The following SULF2 variants were observed in gnomAD, a reference collection of about 807,000 sequenced individuals.
SULF2 encodes sulfatase 2, also known as extracellular sulfatase Sulf-2.
In SULF2, 52 loss-of-function variants were observed where a neutral mutation model predicts 107.7. The observed-to-expected ratio is 0.48, with a 90% confidence interval of 0.39 to 0.61. The LOEUF (loss-of-function observed/expected upper bound fraction) is 0.61, where lower values mean the gene tolerates loss of function less well. Ranked by LOEUF, SULF2 falls within the 20% of genes least tolerant of loss-of-function variation. The pLI is 0.00. For missense variants in SULF2, 993 were observed against 1,177.3 expected, an observed-to-expected ratio of 0.84 and a Z score of 2.29; for synonymous variants, 460 against 464.3, an observed-to-expected ratio of 0.99 and a Z score of 0.12.
intron 4 of SULF2, among the ~76,000 whole-genome samples, chr20:47,693,626 G>A (rs2088277460): frequency 6.6e-6 from 1 of 152,210 alleles, no homozygotes; most frequent in Non-Finnish European, 1.5e-5. Context: ...GGATGTGTAT[G>A]ATATGATATC....
At chr20:47,731,187 C>CTTTTTTTTTTT (rs71183273) in intron 3 of SULF2, among the ~76,000 whole-genome samples, 13 of 81,182 alleles carry the variant, frequency 1.6e-4, no homozygotes, top group Admixed American at 3.0e-4. Context: ...TGTATCTTCT[C>CTTTTTTTTTTT]TTTTTTTTTT....
intron 10 of SULF2, among the ~76,000 whole-genome samples, chr20:47,675,369 G>A (rs2087608165): frequency 6.6e-6 from 1 of 152,150 alleles, no homozygotes; most frequent in Admixed American, 6.5e-5. Flanking sequence ...ACGCATTCAT[G>A]CTGTACAACG....
intron 17 of SULF2, 115 bp downstream of exon 17, chr20:47,662,955 A>G: frequency 1.6e-6 from 2 of 1,285,758 alleles, no homozygotes; most frequent in Non-Finnish European, 1.1e-6. Flanking sequence ...CCACCGGCTC[A>G]GGGACTCAGT....
At chr20:47,772,541 C>T (rs1026283133) in intron 1 of SULF2, among the ~76,000 whole-genome samples, 3 of 152,164 alleles carry the variant, frequency 2.0e-5, no homozygotes, top group African/African-American at 4.8e-5. Context: ...GAGGAGTTCA[C>T]GCGATTCCCT....
At chr20:47,685,087 T>TAGG in intron 5 of SULF2, 1 of 152,780 alleles carries the variant, frequency 6.5e-6, no homozygotes, top group Non-Finnish European at 1.5e-5. Flanking sequence ...GTGGTTAAGG[T>TAGG]AGGACCACGG....
In SULF2 at chr20:47,664,181, G is replaced by T; in HGVS notation, c.2006C>A (p.Thr669Asn). Residue 669 changes from threonine to asparagine, a missense_variant, in exon 15 of 21, where the codon ACC (threonine) becomes AAC (asparagine). Transcript: ENST00000688720. ...GTGCTTGAGGCGGCCTTTGTGCTGG[G>T]TGTGGTAGCTGTAACAGACCCCCCC... ...ECDCHKISYH[T>N]QHKGRLKHRG... The T allele has an allele frequency of 6.2e-7, 1 of 1,612,530 alleles. No homozygotes were observed. The highest frequency in any genetic ancestry group is 8.5e-7 in the Non-Finnish European group (1 of 1,179,522).
At chr20:47,743,413 G>T (rs1336426352) in intron 2 of SULF2, among the ~76,000 whole-genome samples, 1 of 152,084 alleles carries the variant, frequency 6.6e-6, no homozygotes, top group Non-Finnish European at 1.5e-5. Flanking sequence ...AGGTTCAGGT[G>T]ATCCTCCCAC....
chr20:47,748,345 C>T (rs749412148), intron 2 of SULF2, among the ~76,000 whole-genome samples: 12 of 152,192 alleles, frequency 7.9e-5, no homozygotes, highest in Non-Finnish European at 1.5e-4. Flanking sequence ...CACAGGTCTC[C>T]CCAGTGTTAG....
At chr20:47,719,312 C>G (rs541597076) in intron 3 of SULF2, among the ~76,000 whole-genome samples, 1 of 152,266 alleles carries the variant, frequency 6.6e-6, no homozygotes, top group South Asian at 2.1e-4. Context: ...TCTGTATTTT[C>G]TATGAACTGG....
chr20:47,717,858 G>A (rs1251072811), intron 3 of SULF2, among the ~76,000 whole-genome samples: 1 of 146,848 alleles, frequency 6.8e-6, no homozygotes, highest in Non-Finnish European at 1.5e-5. Context: ...CTGTCACCCA[G>A]GCTGGAGTTC....
chr20:47,679,984 C>A (rs1248621906), intron 7 of SULF2, among the ~76,000 whole-genome samples: 3 of 152,158 alleles, frequency 2.0e-5, no homozygotes, highest in Admixed American at 2.0e-4. Flanking sequence ...AGACTCTAAG[C>A]TGCAGGAAGG....
intron 4 of SULF2, among the ~76,000 whole-genome samples, chr20:47,698,741 C>A (rs2088467871): frequency 6.6e-6 from 1 of 152,060 alleles, no homozygotes; most frequent in East Asian, 1.9e-4. Context: ...AAAAAAATTA[C>A]CCTATAGTGG....
chr20:47,783,255 T>C (rs1447655538), intron 1 of SULF2, among the ~76,000 whole-genome samples: 1 of 152,226 alleles, frequency 6.6e-6, no homozygotes, highest in Non-Finnish European at 1.5e-5. Flanking sequence ...GATATTTTTC[T>C]GTAGGACAGG....
Position 47,735,003 on chromosome 20 carries a change from A to C in SULF2, c.415+1700T>G, listed in dbSNP as rs150135887. ...ACACTAGCCTTTAGCTCCCACCCTG[A>C]GCCCTCAAAATGGCACAGAATATAT... On this transcript the variant is annotated intron_variant, in intron 3 of 20. Coordinates refer to ENST00000688720, the MANE Select transcript of SULF2 (RefSeq NM_001387048.1). Among the ~76,000 whole-genome samples, 12 of 152,320 alleles carry C rather than the reference A, an allele frequency of 7.9e-5. No individual in the cohort carries two copies. In the East Asian group the frequency reaches 2.3e-3, roughly 29 times the overall value.
chr20:47,741,938 C>T (rs1158080691), intron 2 of SULF2, among the ~76,000 whole-genome samples: 3 of 152,228 alleles, frequency 2.0e-5, no homozygotes, highest in African/African-American at 7.2e-5. Flanking sequence ...GATCCAGGGT[C>T]TCGAAATGCT....
At position 47,683,021 on chromosome 20, in the gene SULF2, C is replaced by T. The variant is rs530838914; in HGVS notation, c.1037G>A (p.Arg346Lys). ...EFDIRVPFYV[R>K]GPNVEAGCLN... Reference sequence around the variant, plus strand: ...ACAGCCGGCTTCCACGTTGGGGCCCCTCACGTAGAACGGGACCCTGATGTC... The same window carrying T: ...ACAGCCGGCTTCCACGTTGGGGCCCTTCACGTAGAACGGGACCCTGATGTC... The change falls in exon 7 of 21, where the codon AGG becomes AAG. Residue 346 changes from arginine to lysine, a missense_variant. Transcript: ENST00000688720. 6.2e-7 allele frequency: 1 copy of T among 1,611,950 alleles called. No individual in the cohort carries two copies. Among genetic ancestry groups the T allele is most frequent in the Non-Finnish European group, 8.5e-7 (1 of 1,178,780 alleles).
chr20:47,682,747 C>T (rs1357410769), intron 7 of SULF2, among the ~76,000 whole-genome samples: 2 of 152,198 alleles, frequency 1.3e-5, no homozygotes, highest in Non-Finnish European at 1.5e-5. Flanking sequence ...ACGTATACAG[C>T]CCAGCTCCCT....
At chr20:47,714,113 G>A (rs776312313) in intron 3 of SULF2, among the ~76,000 whole-genome samples, 5 of 152,222 alleles carry the variant, frequency 3.3e-5, no homozygotes, top group Non-Finnish European at 5.9e-5. Flanking sequence ...TGGAAAGTCC[G>A]TCCTTCCCAA....
rs116037199 is a variant in SULF2, at chr20:47,741,862, C to T, written c.176-4920G>A. On this transcript the variant is annotated intron_variant, in intron 2 of 20. Transcript: ENST00000688720. ...TGATGAAATCACCTGCACTCCGCAG[C>T]CCCCAGTGCTGCCTTGGCAAACAGT... 6.2e-3 allele frequency among the ~76,000 whole-genome samples: 946 copies of T among 152,356 alleles called. 7 individuals carry two copies. Among genetic ancestry groups the T allele is most frequent in the African/African-American group, 0.021 (890 of 41,584 alleles).
Sources: gnomAD v4.1 joint callset for allele counts (sites outside exome capture counted in the v4.1 genomes callset) on GRCh38, gnomAD v4.1.1 for gene constraint, MANE v1.5 for transcripts, NCBI Gene and HGNC (gene_info 2026-07-23, HGNC 2026-07-21) for gene names.